The following FSHR variants were observed in gnomAD, a reference collection of about 807,000 sequenced individuals.
FSHR encodes the protein follicle stimulating hormone receptor, also known as follicle-stimulating hormone receptor.
Under a neutral mutation model 52.1 loss-of-function variants are expected in FSHR, and 46 were observed. The ratio of observed to expected loss-of-function variants is 0.88; its 90% CI spans 0.70 to 1.13. The LOEUF (loss-of-function observed/expected upper bound fraction) is 1.13. FSHR is among the 50% of genes most tolerant of loss of function. The pLI is 0.00. For synonymous variants in FSHR, 399 were observed against 309.6 expected (o/e 1.29, Z -3.03); for missense variants, 964 against 834.6 (o/e 1.16, Z -1.91).
At chr2:49,003,355 C>A (rs1398776400) in intron 4 of FSHR, among the ~76,000 whole-genome samples, 1 of 152,114 alleles carries the variant, frequency 6.6e-6, no homozygotes, top group African/African-American at 2.4e-5. Context: ...ACAGCCCTTG[C>A]TCTGGATTGG....
At chr2:49,060,184 GA>G (rs893592161) in intron 2 of FSHR, among the ~76,000 whole-genome samples, 14 of 151,832 alleles carry the variant, frequency 9.2e-5, no homozygotes, top group African/African-American at 3.4e-4. Context: ...GTTATTAAAC[GA>G]AAAAAATACC....
intron 1 of FSHR, among the ~76,000 whole-genome samples, chr2:49,079,427 A>T (rs945842359): frequency 6.6e-6 from 1 of 152,134 alleles, no homozygotes; most frequent in Non-Finnish European, 1.5e-5. Flanking sequence ...GCAAGTTTTA[A>T]AGAAAAGCTA....
At chr2:49,106,444 A>C (rs1003221319) in intron 1 of FSHR, among the ~76,000 whole-genome samples, 7 of 152,276 alleles carry the variant, frequency 4.6e-5, no homozygotes, top group African/African-American at 1.2e-4. Context: ...GAAAAGCTTA[A>C]ATTCCAGAAT....
chr2:49,030,607 A>G (rs1299492626), intron 2 of FSHR, among the ~76,000 whole-genome samples: 3 of 152,222 alleles, frequency 2.0e-5, no homozygotes, highest in Non-Finnish European at 2.9e-5. Flanking sequence ...CTGCTTTTGT[A>G]TTTGAGTCAC....
At chr2:48,997,789 G>C (rs1457392396) in intron 4 of FSHR, among the ~76,000 whole-genome samples, 1 of 152,034 alleles carries the variant, frequency 6.6e-6, no homozygotes, top group Non-Finnish European at 1.5e-5. Flanking sequence ...TAGTTCTCTT[G>C]GGTGCTCAAA....
chr2:49,115,069 G>T (rs1671552786), intron 1 of FSHR, among the ~76,000 whole-genome samples: 1 of 150,370 alleles, frequency 6.7e-6, no homozygotes, highest in Non-Finnish European at 1.5e-5. Flanking sequence ...GATGTGCATG[G>T]AAAGGAGCTG....
chr2:49,151,303 T>C (rs1673054137), intron 1 of FSHR, among the ~76,000 whole-genome samples: 1 of 152,116 alleles, frequency 6.6e-6, no homozygotes, highest in South Asian at 2.1e-4. Context: ...TTTTGTGCTT[T>C]GGTTTGTCTT....
At chr2:49,148,060 C>T (rs879317329) in intron 1 of FSHR, among the ~76,000 whole-genome samples, 6 of 151,860 alleles carry the variant, frequency 4.0e-5, no homozygotes, top group African/African-American at 7.3e-5. Flanking sequence ...AGAATCTGAC[C>T]TTAATTGGCA....
intron 1 of FSHR, among the ~76,000 whole-genome samples, chr2:49,095,352 G>A (rs778526855): frequency 1.3e-5 from 2 of 152,078 alleles, no homozygotes; most frequent in African/African-American, 2.4e-5. Flanking sequence ...TTTTTGACAA[G>A]GGTGATGACA....
intron 1 of FSHR, among the ~76,000 whole-genome samples, chr2:49,079,774 C>T (rs947255209): frequency 6.6e-6 from 1 of 151,912 alleles, no homozygotes; most frequent in African/African-American, 2.4e-5. Flanking sequence ...AAAATTAAGA[C>T]TTTAAAACTT....
chr2:48,991,869 G>T (rs1380756809), intron 4 of FSHR, among the ~76,000 whole-genome samples: 1 of 152,148 alleles, frequency 6.6e-6, no homozygotes, highest in Non-Finnish European at 1.5e-5. Context: ...GCAACCTAAA[G>T]AACACTCATT....
intron 4 of FSHR, among the ~76,000 whole-genome samples, chr2:48,996,718 C>T (rs1676038906): frequency 6.6e-6 from 1 of 152,076 alleles, no homozygotes; most frequent in Non-Finnish European, 1.5e-5. Context: ...AGTCATTCAA[C>T]CTCAGTTGGG....
chr2:48,983,972 A>G (rs545899846), intron 6 of FSHR, among the ~76,000 whole-genome samples: 1 of 152,242 alleles, frequency 6.6e-6, no homozygotes, highest in South Asian at 2.1e-4. Context: ...TCTGAAAACA[A>G]AAACAGATAC....
At chr2:48,967,970 T>A (rs1274339518) in intron 9 of FSHR, among the ~76,000 whole-genome samples, 1 of 152,340 alleles carries the variant, frequency 6.6e-6, no homozygotes, top group East Asian at 1.9e-4. Context: ...ACTCTGATAC[T>A]CAGTAAGTTC....
intron 2 of FSHR, among the ~76,000 whole-genome samples, chr2:49,053,024 TGTTAA>T (rs1304584391): frequency 1.6e-4 from 25 of 152,230 alleles, no homozygotes; most frequent in Non-Finnish European, 2.4e-4. Context: ...AAAGTCCCTC[TGTTAA>T]GTTAACTTTT....
intron 1 of FSHR, among the ~76,000 whole-genome samples, chr2:49,092,644 G>T (rs1558436974): frequency 6.6e-6 from 1 of 151,684 alleles, no homozygotes; most frequent in Non-Finnish European, 1.5e-5. Context: ...GTTTGCTTTT[G>T]AATTTCTTTA....
intron 1 of FSHR, among the ~76,000 whole-genome samples, chr2:49,090,010 C>T: frequency 6.6e-6 from 1 of 152,130 alleles, no homozygotes; most frequent in Non-Finnish European, 1.5e-5. Flanking sequence ...TTATTGAAGC[C>T]CTATCATGTA....
intron 2 of FSHR, among the ~76,000 whole-genome samples, chr2:49,056,445 A>AATATGAAT (rs1248094640): frequency 3.1e-5 from 4 of 128,522 alleles, no homozygotes; most frequent in Non-Finnish European, 4.9e-5. Flanking sequence ...TTACAATTGG[A>AATATGAAT]ATATATATAT....
chr2:49,053,586 C>G (rs750005282), intron 2 of FSHR, among the ~76,000 whole-genome samples: 2 of 151,954 alleles, frequency 1.3e-5, no homozygotes, highest in Non-Finnish European at 2.9e-5. Flanking sequence ...AGTCTCAAAG[C>G]AATGAAGAAT....
Sources: gnomAD v4.1 joint callset for allele counts (sites outside exome capture counted in the v4.1 genomes callset) on GRCh38, gnomAD v4.1.1 for gene constraint, MANE v1.5 for transcripts, NCBI Gene and HGNC (gene_info 2026-07-23, HGNC 2026-07-21) for gene names.